DTNA: variants seen among roughly 807,000 people sequenced by gnomAD.
The protein encoded by DTNA is dystrophin-related protein 3.
A neutral mutation model predicts 100.7 loss-of-function variants in DTNA; 43 were observed. The ratio of observed to expected loss-of-function variants is 0.43; its 90% CI spans 0.33 to 0.55. DTNA has a LOEUF of 0.55. Among genes scored for constraint, DTNA ranks in the 20% least tolerant of loss-of-function variants. The pLI is 0.04. For synonymous variants in DTNA, 349 were observed against 347.9 expected (o/e 1.00, Z -0.04); for missense variants, 798 against 953.9 (o/e 0.84, Z 2.15).
At chr18:34,811,607 G>T (rs556187579) in intron 5 of DTNA, among the ~76,000 whole-genome samples, 110 of 152,226 alleles carry the variant, frequency 7.2e-4, no homozygotes, top group African/African-American at 2.6e-3. Flanking sequence ...TGAAGTCAGC[G>T]TCTCTCTCAT....
intron 1 of DTNA, among the ~76,000 whole-genome samples, chr18:34,704,077 C>CT (rs370529202): frequency 7.3e-4 from 111 of 152,210 alleles, no homozygotes; most frequent in African/African-American, 2.3e-3. Flanking sequence ...TTCTCATATT[C>CT]TTTTTTTATC....
At chr18:34,584,012 C>G (rs73426194) in intron 1 of DTNA, among the ~76,000 whole-genome samples, 1 of 151,312 alleles carries the variant, frequency 6.6e-6, no homozygotes, top group Non-Finnish European at 1.5e-5. Context: ...ATCTGCGTGC[C>G]GAATAGTAAC....
chr18:34,615,336 C>T (rs1034169840), intron 1 of DTNA, among the ~76,000 whole-genome samples: 1 of 152,070 alleles, frequency 6.6e-6, no homozygotes, highest in African/African-American at 2.4e-5. Context: ...CCAACCAGGC[C>T]CCACCTCTCA....
At chr18:34,536,168 A>G (rs1284456951) in intron 1 of DTNA, among the ~76,000 whole-genome samples, 1 of 152,084 alleles carries the variant, frequency 6.6e-6, no homozygotes, top group Non-Finnish European at 1.5e-5. Flanking sequence ...CTAATAAATT[A>G]TAAATAGATG....
At chr18:34,602,420 C>G (rs894393797) in intron 1 of DTNA, among the ~76,000 whole-genome samples, 1 of 152,102 alleles carries the variant, frequency 6.6e-6, no homozygotes, top group African/African-American at 2.4e-5. Context: ...ATTAAGAATG[C>G]ATAAAAGTTC....
chr18:34,689,148 A>T (rs759858550), intron 1 of DTNA, among the ~76,000 whole-genome samples: 2 of 152,074 alleles, frequency 1.3e-5, no homozygotes, highest in Non-Finnish European at 2.9e-5. Flanking sequence ...ACTTCTGCCA[A>T]TTCGTCAAAC....
intron 1 of DTNA, among the ~76,000 whole-genome samples, chr18:34,527,776 T>G (rs1179175290): frequency 2.6e-5 from 4 of 152,146 alleles, no homozygotes; most frequent in African/African-American, 9.7e-5. Flanking sequence ...AAACTGTTAC[T>G]TAAACCACTA....
At chr18:34,494,263 C>A (rs1204166571) in intron 1 of DTNA, among the ~76,000 whole-genome samples, 1 of 151,654 alleles carries the variant, frequency 6.6e-6, no homozygotes, top group Non-Finnish European at 1.5e-5. Context: ...CTGGGACATC[C>A]GCGTTGGGTT....
intron 1 of DTNA, among the ~76,000 whole-genome samples, chr18:34,682,876 C>T (rs1308125837): frequency 6.6e-6 from 1 of 151,980 alleles, no homozygotes; most frequent in Non-Finnish European, 1.5e-5. Context: ...AAAGCCATAT[C>T]CTCAGCTATA....
At chr18:34,553,212 T>C (rs2045642581) in intron 1 of DTNA, among the ~76,000 whole-genome samples, 1 of 151,932 alleles carries the variant, frequency 6.6e-6, no homozygotes, top group South Asian at 2.1e-4. Context: ...TTTGCCCACT[T>C]TTTGATGGGG....
At position 34,557,003 on chromosome 18, in the gene DTNA, T is replaced by C. The variant is rs561465857; in HGVS notation, c.-2+63489T>C. Among the ~76,000 whole-genome samples the C allele has an allele frequency of 1.2e-3, 178 of 149,778 alleles. 2 individuals carry two copies. Among genetic ancestry groups the C allele is most frequent in the African/African-American group, 4.3e-3 (171 of 40,020 alleles). ...TTCCATTCTCCCCATCACTTTCAGG[T>C]ACACCAATCAGACGTAGATTTGGTC... On this transcript the variant is annotated intron_variant, in intron 1 of 19. Transcript: ENST00000283365.
At chr18:34,680,915 C>A (rs1034844175) in intron 1 of DTNA, among the ~76,000 whole-genome samples, 3 of 152,126 alleles carry the variant, frequency 2.0e-5, no homozygotes, top group African/African-American at 7.2e-5. Flanking sequence ...CAGGGACTGA[C>A]CCTATGGGCT....
chr18:34,873,974 GGCAC>G (rs2096790772), intron 17 of DTNA, among the ~76,000 whole-genome samples: 1 of 152,138 alleles, frequency 6.6e-6, no homozygotes. Flanking sequence ...CAGCCCATTG[GGCAC>G]CCCATGGGTT....
chr18:34,873,930 C>G (rs1302559412), intron 17 of DTNA, among the ~76,000 whole-genome samples: 1 of 152,176 alleles, frequency 6.6e-6, no homozygotes, highest in Non-Finnish European at 1.5e-5. Context: ...CAGACCATTA[C>G]AAGGTACTGT....
intron 1 of DTNA, among the ~76,000 whole-genome samples, chr18:34,626,262 C>T (rs931675042): frequency 1.3e-5 from 2 of 152,022 alleles, no homozygotes; most frequent in Non-Finnish European, 2.9e-5. Flanking sequence ...AAGTAAGACT[C>T]AGAAGAAATC....
intron 1 of DTNA, among the ~76,000 whole-genome samples, chr18:34,695,056 A>T (rs1394253236): frequency 1.3e-5 from 2 of 152,120 alleles, no homozygotes; most frequent in African/African-American, 4.8e-5. Flanking sequence ...GGCAAAGAAC[A>T]TTTGCAGACA....
chr18:34,741,917 G>A (rs1011539703), intron 1 of DTNA, among the ~76,000 whole-genome samples: 4 of 152,154 alleles, frequency 2.6e-5, no homozygotes, highest in African/African-American at 9.7e-5. Flanking sequence ...TCAAATTTGA[G>A]TTATTTAAAT....
chr18:34,785,522 T>C (rs1568513953), intron 3 of DTNA, among the ~76,000 whole-genome samples: 1 of 152,222 alleles, frequency 6.6e-6, no homozygotes, highest in Non-Finnish European at 1.5e-5. Flanking sequence ...TCTTTTCCCA[T>C]GTACATTTTC....
chr18:34,753,342 T>C (rs1456632153), intron 1 of DTNA, among the ~76,000 whole-genome samples: 3 of 130,352 alleles, frequency 2.3e-5, no homozygotes, highest in Non-Finnish European at 4.8e-5. Context: ...TTGTGATTTA[T>C]TTATTTATTT....
Sources: gnomAD v4.1 joint callset for allele counts (sites outside exome capture counted in the v4.1 genomes callset) on GRCh38, gnomAD v4.1.1 for gene constraint, MANE v1.5 for transcripts, NCBI Gene and HGNC (gene_info 2026-07-23, HGNC 2026-07-21) for gene names.